The following SRL variants were observed in gnomAD, a reference collection of about 807,000 sequenced individuals.
SRL encodes the protein sarcalumenin.
A neutral mutation model predicts 39.5 loss-of-function variants in SRL; 23 were observed. The observed-to-expected ratio is 0.58, with a 90% confidence interval of 0.42 to 0.82. The LOEUF (loss-of-function observed/expected upper bound fraction) is 0.82, where lower values mean the gene tolerates loss of function less well. Ranked by LOEUF, SRL falls within the 40% of genes least tolerant of loss-of-function variation. SRL has a pLI of 0.00. For missense variants in SRL, 592 were observed against 607.8 expected (o/e 0.97, Z 0.27); for synonymous variants, 272 against 237.4 (o/e 1.15, Z -1.34).
At chr16:4,204,228 C>G (rs2059297) in intron 2 of SRL, among the ~76,000 whole-genome samples, 116,166 of 152,164 alleles carry the variant, frequency 0.76, 45,115 homozygotes, top group African/African-American at 0.92. Context: ...GAGATGGCAT[C>G]AGCACAGCAT....
rs1375842370 is a variant in SRL, at chr16:4,192,747, C to G, written c.828G>C (p.Leu276Phe). Reference sequence around the variant, plus strand: ...GCTCTGTGACATTGATGAGAGGGGCCAAGCTCCAGAAGAGGGCCCCGTAAA... The same window carrying G: ...GCTCTGTGACATTGATGAGAGGGGCGAAGCTCCAGAAGAGGGCCCCGTAAA... ...MRVYGALFWS[L>F]APLINVTEPP... Residue 276 changes from leucine (L) to phenylalanine (F), a missense_variant, in exon 6 of 6, where the codon TTG (leucine) becomes TTC (phenylalanine). By Grantham distance (22) the Leu-to-Phe change is conservative. Transcript: ENST00000399609. The surrounding 1 kb of genome is among the most constrained non-coding windows in gnomAD (Gnocchi z 4.0). 6.2e-7 allele frequency: 1 copy of G among 1,614,162 alleles called. No homozygotes were observed. Among genetic ancestry groups the G allele is most frequent in the Non-Finnish European group, 8.5e-7 (1 of 1,180,044 alleles).
chr16:4,235,839 C>G (rs1025524213), intron 1 of SRL, among the ~76,000 whole-genome samples: 3 of 152,226 alleles, frequency 2.0e-5, no homozygotes, highest in African/African-American at 7.2e-5. Flanking sequence ...CCTGTAATCC[C>G]AGCACTTGGG....
At chr16:4,230,119 C>A (rs2052642810) in intron 1 of SRL, among the ~76,000 whole-genome samples, 1 of 152,082 alleles carries the variant, frequency 6.6e-6, no homozygotes, top group African/African-American at 2.4e-5. Context: ...AGCCACCCTC[C>A]TACCTACCAC....
intron 1 of SRL, among the ~76,000 whole-genome samples, chr16:4,222,090 T>C (rs1459975823): frequency 1.3e-5 from 2 of 151,902 alleles, no homozygotes; most frequent in African/African-American, 2.4e-5. Flanking sequence ...CCATAACAGG[T>C]CCCCCAATAG....
chr16:4,192,700 G>T lies in SRL; in HGVS notation c.875C>A (p.Ser292Tyr), dbSNP rs768035175. 1.3e-5 allele frequency: 21 copies of T among 1,614,030 alleles called. No individual in the cohort carries two copies. The highest frequency in any genetic ancestry group is 1.8e-5 in the Non-Finnish European group (21 of 1,180,032). ...VTEPPRVYVSSFWPQEYKPDT... is the reference protein window; with the variant it reads ...VTEPPRVYVSYFWPQEYKPDT... ...CGGCTTATACTCTTGTGGCCAGAAG[G>T]AGCTGACGTAAACCCTTGGGGGCTC... Residue 292 changes from serine (S) to tyrosine (Y), a missense_variant, in exon 6 of 6, where the codon TCC becomes TAC. By Grantham distance (144) the Ser-to-Tyr change is moderately radical. Transcript: ENST00000399609. This position sits in a 1 kb window ranked among gnomAD's most constrained non-coding sequence, Gnocchi z 4.0.
chr16:4,207,537 G>T (rs1472665903), intron 1 of SRL: 2 of 456,092 alleles, frequency 4.4e-6, no homozygotes, highest in Middle Eastern at 3.3e-4. Flanking sequence ...GTGAGGAGAG[G>T]CCCCCTCTGC....
At chr16:4,218,951 T>C (rs1307306582) in intron 1 of SRL, among the ~76,000 whole-genome samples, 1 of 152,254 alleles carries the variant, frequency 6.6e-6, no homozygotes, top group African/African-American at 2.4e-5. Flanking sequence ...GGCCAGATTT[T>C]TCAACCTTCT....
intron 1 of SRL, among the ~76,000 whole-genome samples, chr16:4,209,267 C>A (rs1307441666): frequency 6.6e-6 from 1 of 150,980 alleles, no homozygotes; most frequent in Admixed American, 6.6e-5. Flanking sequence ...AGTGAGACTC[C>A]ATCTCAAAAA....
chr16:4,216,891 G>T (rs539136921), intron 1 of SRL, among the ~76,000 whole-genome samples: 1 of 152,340 alleles, frequency 6.6e-6, no homozygotes, highest in East Asian at 1.9e-4. Flanking sequence ...CTGTGGGGAT[G>T]AGGTGCTGGT....
At chr16:4,199,960 G>T (rs2052204011) in intron 3 of SRL, among the ~76,000 whole-genome samples, 1 of 151,956 alleles carries the variant, frequency 6.6e-6, no homozygotes, top group South Asian at 2.1e-4. Context: ...GCTTCCCAAA[G>T]TGCTGGGATT....
chr16:4,228,552 G>T (rs144906775), intron 1 of SRL, among the ~76,000 whole-genome samples: 3 of 151,488 alleles, frequency 2.0e-5, no homozygotes, highest in South Asian at 4.2e-4. Flanking sequence ...TGGCTAACAC[G>T]GTGAAACCCC....
intron 1 of SRL, among the ~76,000 whole-genome samples, chr16:4,234,240 C>T (rs572979807): frequency 5.3e-5 from 8 of 152,278 alleles, no homozygotes; most frequent in East Asian, 1.9e-4. Flanking sequence ...GCAATCCTGC[C>T]GCCTTAGCCT....
At chr16:4,220,541 T>C (rs969499816) in intron 1 of SRL, among the ~76,000 whole-genome samples, 2 of 152,040 alleles carry the variant, frequency 1.3e-5, no homozygotes, top group Admixed American at 6.6e-5. Flanking sequence ...CCCAGACACA[T>C]GGGGATGCAC....
At chr16:4,209,846 T>G (rs2141041439) in intron 1 of SRL, among the ~76,000 whole-genome samples, 1 of 152,328 alleles carries the variant, frequency 6.6e-6, no homozygotes, top group Non-Finnish European at 1.5e-5. Context: ...TGCCCTGCCC[T>G]AGATACATCA....
In SRL at chr16:4,192,554, G is replaced by C; in HGVS notation, c.1021C>G (p.Arg341Gly). Residue 341 changes from arginine (R) to glycine (G), a missense_variant, in exon 6 of 6, where the codon CGC (arginine) becomes GGC (glycine). Coordinates refer to ENST00000399609, the MANE Select transcript of SRL (RefSeq NM_001098814.2). The surrounding 1 kb of genome is among the most constrained non-coding windows in gnomAD (Gnocchi z 4.0). The stretch of plus-strand genomic sequence containing the variant: ...CGGTCAACCAGGAGGGCGTGGATGC[G>C]GACCCGGATGGCGTGCTGGCGGATG... ...AFIRQHAIRVRIHALLVDRYL... is the reference protein window; with the variant it reads ...AFIRQHAIRVGIHALLVDRYL... The C allele has an allele frequency of 6.2e-7, 1 of 1,614,132 alleles. No homozygotes were observed. Among genetic ancestry groups the C allele is most frequent in the Non-Finnish European group, 8.5e-7 (1 of 1,180,026 alleles).
chr16:4,203,083 C>T (rs1373099684), intron 3 of SRL, 83 bp downstream of exon 3: 2 of 1,222,048 alleles, frequency 1.6e-6, no homozygotes, highest in Non-Finnish European at 2.4e-6. Flanking sequence ...CGGGAGAGTC[C>T]AGGCCGGTCA....
At chr16:4,207,820 C>T (rs754088213) in intron 1 of SRL, 60 of 456,178 alleles carry the variant, frequency 1.3e-4, no homozygotes, top group Non-Finnish European at 2.1e-4. Flanking sequence ...GGCCCCGCAG[C>T]GTCCCTGTCG....
At chr16:4,220,949 G>T (rs1441906920) in intron 1 of SRL, among the ~76,000 whole-genome samples, 1 of 152,012 alleles carries the variant, frequency 6.6e-6, no homozygotes, top group African/African-American at 2.4e-5. Context: ...TTGTGCCACT[G>T]CGCTCCAGCC....
intron 3 of SRL, among the ~76,000 whole-genome samples, chr16:4,199,853 C>T (rs969984556): frequency 6.6e-6 from 1 of 151,500 alleles, no homozygotes; most frequent in Non-Finnish European, 1.5e-5. Context: ...CGTGCCACCA[C>T]GCCTGGCTAA....
Sources: gnomAD v4.1 joint callset for allele counts (sites outside exome capture counted in the v4.1 genomes callset) on GRCh38, gnomAD v4.1.1 for gene constraint, Gnocchi (gnomAD v3.1) non-coding constraint, MANE v1.5 for transcripts, NCBI Gene and HGNC (gene_info 2026-07-23, HGNC 2026-07-21) for gene names.